EEFSEC: variants seen among roughly 807,000 people sequenced by gnomAD.
The protein encoded by EEFSEC is selenocysteine-specific elongation factor.
In EEFSEC, 43 loss-of-function variants were observed where a neutral mutation model predicts 42.1. That is an observed-to-expected ratio of 1.02 (90% confidence interval 0.80 to 1.32). EEFSEC has a LOEUF of 1.32. Among genes scored for constraint, EEFSEC ranks in the 40% most tolerant of loss-of-function variants. The pLI, the probability that EEFSEC is intolerant of heterozygous loss-of-function variation, is 0.00. For synonymous variants in EEFSEC, 354 were observed against 339.1 expected (o/e 1.04, Z -0.48); for missense variants, 745 against 803.6 (o/e 0.93, Z 0.88).
chr3:128,155,160 G>A (rs1203226908), intron 1 of EEFSEC, among the ~76,000 whole-genome samples: 1 of 151,798 alleles, frequency 6.6e-6, no homozygotes, highest in Non-Finnish European at 1.5e-5. Context: ...CTGTTACCAG[G>A]CTGGAGTGCA....
At chr3:128,248,978 G>A (rs2066156387) in intron 2 of EEFSEC, among the ~76,000 whole-genome samples, 1 of 152,216 alleles carries the variant, frequency 6.6e-6, no homozygotes, top group Admixed American at 6.5e-5. Flanking sequence ...GAAAGGAGAG[G>A]ACTGTCACCC....
chr3:128,410,898 AG>A (rs2068168973), downstream of EEFSEC, among the ~76,000 whole-genome samples: 1 of 152,040 alleles, frequency 6.6e-6, no homozygotes, highest in Non-Finnish European at 1.5e-5. Flanking sequence ...CCCGGGAAGG[AG>A]GGGGCTCGGG....
chr3:128,203,571 G>C (rs1231953823), intron 1 of EEFSEC, among the ~76,000 whole-genome samples: 2 of 152,218 alleles, frequency 1.3e-5, no homozygotes, highest in African/African-American at 4.8e-5. Flanking sequence ...AGGTCTGTAG[G>C]AAGTAAATCA....
chr3:128,369,797 A>C (rs115847510), intron 6 of EEFSEC, among the ~76,000 whole-genome samples: 1 of 152,164 alleles, frequency 6.6e-6, no homozygotes, highest in African/African-American at 2.4e-5. Flanking sequence ...CCTTGGCTTC[A>C]ACAATTGCTC....
chr3:128,224,596 G>C (rs1193735308), intron 1 of EEFSEC, among the ~76,000 whole-genome samples: 1 of 152,118 alleles, frequency 6.6e-6, no homozygotes, highest in Non-Finnish European at 1.5e-5. Flanking sequence ...CACCGTGCTT[G>C]TTTCATCTCT....
intron 4 of EEFSEC, among the ~76,000 whole-genome samples, chr3:128,311,327 T>A (rs1328654057): frequency 6.6e-6 from 1 of 152,266 alleles, no homozygotes; most frequent in Non-Finnish European, 1.5e-5. Context: ...GTCTGCCATT[T>A]TACTACAGAG....
At position 128,391,902 on chromosome 3, in the gene EEFSEC, G is replaced by A. The variant is rs541998964; in HGVS notation, c.1601-16167G>A. 3.7e-4 allele frequency among the ~76,000 whole-genome samples: 56 copies of A among 152,320 alleles called. 1 individual carries two copies. The highest frequency in any genetic ancestry group is 1.2e-3 in the African/African-American group (49 of 41,568). On this transcript the variant is annotated intron_variant, in intron 6 of 6. Transcript: ENST00000254730. ...TGCTTGTGCTGTGCCAGAGGGAGGCGCCCAGCACCATGGATGCCCTGTGGG... is the reference window on the plus strand; with the variant it reads ...TGCTTGTGCTGTGCCAGAGGGAGGCACCCAGCACCATGGATGCCCTGTGGG...
At chr3:128,395,043 G>A (rs1166073648) in intron 6 of EEFSEC, among the ~76,000 whole-genome samples, 3 of 152,244 alleles carry the variant, frequency 2.0e-5, no homozygotes, top group African/African-American at 7.2e-5. Flanking sequence ...GGCCATGAGC[G>A]AGGGGAGTGT....
chr3:128,172,642 T>C (rs961986966), intron 1 of EEFSEC, among the ~76,000 whole-genome samples: 1 of 152,172 alleles, frequency 6.6e-6, no homozygotes, highest in African/African-American at 2.4e-5. Context: ...CCCTGACGAA[T>C]TATAAGCATA....
intron 4 of EEFSEC, among the ~76,000 whole-genome samples, chr3:128,293,430 G>A (rs1031501391): frequency 6.6e-6 from 1 of 152,058 alleles, no homozygotes; most frequent in Non-Finnish European, 1.5e-5. Context: ...GGGAGGCCAA[G>A]GCGGGTAGAT....
chr3:128,217,040 G>T (rs541880534), intron 1 of EEFSEC, among the ~76,000 whole-genome samples: 23 of 152,278 alleles, frequency 1.5e-4, no homozygotes, highest in African/African-American at 5.1e-4. Context: ...TATTTATCAT[G>T]AAGTACATTT....
rs141729980 is a variant in EEFSEC at position 128,236,515 on chromosome 3, A to G, written c.317-10321A>G. 4.6e-5 allele frequency among the ~76,000 whole-genome samples: 7 copies of G among 152,306 alleles called. No homozygotes were observed. The East Asian group carries it at 1.2e-3, about 25-fold the overall frequency. On this transcript the variant is annotated intron_variant, in intron 1 of 6. Transcript: ENST00000254730. ...CAACATGTTAGCTCTTTGTATTATC[A>G]TCAGTATTATTTTGTCAGTACAGTA...
At chr3:128,206,858 C>T (rs541463275) in intron 1 of EEFSEC, among the ~76,000 whole-genome samples, 5 of 152,178 alleles carry the variant, frequency 3.3e-5, no homozygotes, top group South Asian at 4.2e-4. Flanking sequence ...ACGGCTGGCC[C>T]GGAGACAGAA....
chr3:128,242,497 T>C (rs2066082503), intron 1 of EEFSEC, among the ~76,000 whole-genome samples: 3 of 152,120 alleles, frequency 2.0e-5, no homozygotes, highest in African/African-American at 7.2e-5. Flanking sequence ...GCTTTGACTT[T>C]TTTAAAAAAA....
Position 128,208,952 on chromosome 3 carries a change from T to A in EEFSEC, c.317-37884T>A, listed in dbSNP as rs185443236. On this transcript the variant is annotated intron_variant, in intron 1 of 6. Transcript: ENST00000254730. ...AGGAGCATAGATGAGAGAGAACAAC[T>A]GATTCTATGTGGGGAGGGAGGAAAG... 4.6e-5 allele frequency among the ~76,000 whole-genome samples: 7 copies of A among 152,316 alleles called. No homozygotes were observed. In the East Asian group the frequency reaches 1.3e-3, roughly 29 times the overall value.
At chr3:128,241,997 G>A (rs982781464) in intron 1 of EEFSEC, among the ~76,000 whole-genome samples, 3 of 152,176 alleles carry the variant, frequency 2.0e-5, no homozygotes, top group Non-Finnish European at 4.4e-5. Flanking sequence ...ATTGTTCAAT[G>A]AATATTTAAA....
intron 6 of EEFSEC, among the ~76,000 whole-genome samples, chr3:128,373,571 G>A (rs2067676766): frequency 1.3e-5 from 2 of 152,222 alleles, no homozygotes; most frequent in African/African-American, 2.4e-5. Flanking sequence ...TGGTTGGTGA[G>A]CAACCCCTAG....
intron 6 of EEFSEC, among the ~76,000 whole-genome samples, chr3:128,392,287 AG>A (rs1249311564): frequency 2.6e-5 from 4 of 152,188 alleles, no homozygotes; most frequent in Non-Finnish European, 5.9e-5. Flanking sequence ...GTTCAAAGCC[AG>A]GCCCCCTATG....
At chr3:128,278,064 T>C (rs951359687) in intron 4 of EEFSEC, among the ~76,000 whole-genome samples, 10 of 152,188 alleles carry the variant, frequency 6.6e-5, no homozygotes, top group Non-Finnish European at 1.5e-4. Flanking sequence ...GCAAGGCCAG[T>C]TCAAGTTCTG....
Sources: allele counts gnomAD v4.1 joint callset (sites outside exome capture counted in the v4.1 genomes callset), GRCh38; gene constraint gnomAD v4.1.1; transcripts MANE v1.5; gene names NCBI Gene and HGNC (gene_info 2026-07-23, HGNC 2026-07-21).